Variants in CELSR1 observed in about 807,000 individuals in gnomAD.
CELSR1 encodes the protein cadherin EGF LAG seven-pass G-type receptor 1, also known as adhesion G protein-coupled receptor C1.
CELSR1 carries 110 observed loss-of-function variants against 249.1 expected under a neutral mutation model. The observed-to-expected ratio is 0.44, with a 90% CI of 0.38 to 0.52. The LOEUF (loss-of-function observed/expected upper bound fraction) is 0.52. CELSR1 is among the 20% of genes least tolerant of loss of function. The pLI is 0.00. For missense variants in CELSR1, 4,109 were observed against 4,296.4 expected (o/e 0.96, Z 1.22); for synonymous variants, 2,113 against 1,900.0 (o/e 1.11, Z -2.92).
intron 5 of CELSR1, among the ~76,000 whole-genome samples, chr22:46,431,646 A>G (rs1347935497): frequency 6.6e-6 from 1 of 152,178 alleles, no homozygotes; most frequent in East Asian, 1.9e-4. Context: ...AAGGGTCACC[A>G]GGTCAGAGTA....
intron 1 of CELSR1, among the ~76,000 whole-genome samples, chr22:46,510,408 G>A (rs540351073): frequency 1.7e-4 from 26 of 152,192 alleles, no homozygotes; most frequent in Admixed American, 1.0e-3. Context: ...TAATTAAAGT[G>A]AGCCAGACAC....
chr22:46,365,755 T>C, intron 30 of CELSR1, 66 bp from the exon 31 acceptor site: 2 of 1,264,266 alleles, frequency 1.6e-6, no homozygotes, highest in Admixed American at 4.2e-5. Flanking sequence ...TGGAAAGTTC[T>C]CTGGAAGATT....
At chr22:46,453,811 G>A (rs920375552) in intron 2 of CELSR1, among the ~76,000 whole-genome samples, 1 of 152,182 alleles carries the variant, frequency 6.6e-6, no homozygotes, top group Non-Finnish European at 1.5e-5. Flanking sequence ...CCACCACAGC[G>A]CCGATGGTGG....
chr22:46,463,644 G>A (rs1005466295), intron 2 of CELSR1, 63 bp downstream of exon 2: 1 of 1,436,956 alleles, frequency 7.0e-7, no homozygotes, highest in African/African-American at 1.4e-5. Flanking sequence ...GAAACCACCT[G>A]AGACCCTCGG....
At chr22:46,365,736 A>G (rs1007847281) in intron 30 of CELSR1, 47 bp from the exon 31 acceptor site, 3 of 1,460,596 alleles carry the variant, frequency 2.1e-6, no homozygotes, top group Non-Finnish European at 2.8e-6. Context: ...GTCAGGGAAC[A>G]GGAGGTGCTG....
At position 46,429,211 on chromosome 22, in the gene CELSR1, G is replaced by A. The variant is rs188871318; in HGVS notation, c.4611+4182C>T. Among the ~76,000 whole-genome samples, 74 of 152,290 alleles carry A rather than the reference G, an allele frequency of 4.9e-4. No individual in the cohort carries two copies. The highest frequency in any genetic ancestry group is 3.4e-3 in the Middle Eastern group (1 of 294). ...CCCAAACACCCAGGATGCCGAGGGC[G>A]ATGGAGGAGCAGCAAACACTTAAGC... On this transcript the variant is annotated intron_variant, in intron 5 of 34. Transcript: ENST00000674500. This position sits in a 1 kb window ranked among gnomAD's most constrained non-coding sequence, Gnocchi z 4.1.
Position 46,396,722 on chromosome 22 carries a change from T to A in CELSR1, c.5726A>T (p.Asp1909Val). ...DKGYLGINCVDACHLNPCENM... is the reference protein window; with the variant it reads ...DKGYLGINCVVACHLNPCENM... ...CTCGCAGGGGTTCAGGTGACAGGCA[T>A]CCACACAGTTTATTCCAAGGTACCC... Residue 1909 changes from aspartate (D) to valine (V), a missense_variant, in exon 13 of 35, where the codon GAT becomes GTT. Asp to Val is a radical substitution (Grantham distance 152). Transcript: ENST00000674500. This position sits in a 1 kb window ranked among gnomAD's most constrained non-coding sequence, Gnocchi z 6.4. The A allele has an allele frequency of 6.2e-7, 1 of 1,612,912 alleles. No homozygotes were observed.
At position 46,401,015 on chromosome 22, in the gene CELSR1, T is replaced by C. The variant is rs1217534320; in HGVS notation, c.5227-1113A>G. 2.0e-5 allele frequency among the ~76,000 whole-genome samples: 3 copies of C among 151,816 alleles called. No homozygotes were observed. Among genetic ancestry groups the C allele is most frequent in the African/African-American group, 7.3e-5 (3 of 41,310 alleles). ...CTGTTGCCTTTAACACTGATCAGAA[T>C]TGCTTGTCTTATTCTACGGGAAAAA... On this transcript the variant is annotated intron_variant, in intron 9 of 34. Transcript: ENST00000674500. This position sits in a 1 kb window ranked among gnomAD's most constrained non-coding sequence, Gnocchi z 4.7.
chr22:46,513,379 C>T (rs537210235), intron 1 of CELSR1, among the ~76,000 whole-genome samples: 14 of 152,264 alleles, frequency 9.2e-5, no homozygotes, highest in African/African-American at 3.1e-4. Context: ...CTGAGTTTTA[C>T]AGGACACTTA....
chr22:46,449,342 A>ACATCCATC (rs1569171132), intron 2 of CELSR1, among the ~76,000 whole-genome samples: 3 of 138,942 alleles, frequency 2.2e-5, no homozygotes, highest in Admixed American at 7.2e-5. Flanking sequence ...ACCACATCAC[A>ACATCCATC]CATCCATCCA....
chr22:46,436,094 T>C lies in CELSR1; in HGVS notation c.4522+80A>G. The C allele has an allele frequency of 9.1e-7, 1 of 1,097,886 alleles. No individual in the cohort carries two copies. Among genetic ancestry groups the C allele is most frequent in the Non-Finnish European group, 1.4e-6 (1 of 730,494 alleles). 68.0% of individuals were successfully genotyped at this position (1,097,886 alleles called of 1,614,324 possible). A position where few individuals can be genotyped will look rare whatever the true frequency, so the allele number is the denominator to read the frequency against. Reference sequence around the variant, plus strand: ...GAAAGGGTAAGCAGCTTGGAGGCGCTGCACAGGGCGAGGGTCGTTTTAACC... The same window carrying C: ...GAAAGGGTAAGCAGCTTGGAGGCGCCGCACAGGGCGAGGGTCGTTTTAACC... On this transcript the variant is annotated intron_variant, in intron 4 of 34. Coordinates refer to ENST00000674500, the MANE Select transcript of CELSR1 (RefSeq NM_001378328.1). This position sits in a 1 kb window ranked among gnomAD's most constrained non-coding sequence, Gnocchi z 5.9.
At chr22:46,459,581 C>T (rs2079996566) in intron 2 of CELSR1, among the ~76,000 whole-genome samples, 1 of 152,232 alleles carries the variant, frequency 6.6e-6, no homozygotes, top group African/African-American at 2.4e-5. Flanking sequence ...TCCACAGTGC[C>T]AGCAGGGTCC....
In CELSR1 at chr22:46,399,565, G is replaced by T. The variant is rs1304427257; in HGVS notation, c.5412+152C>A. On this transcript the variant is annotated intron_variant, in intron 10 of 34. Coordinates refer to ENST00000674500, the MANE Select transcript of CELSR1 (RefSeq NM_001378328.1). This position sits in a 1 kb window ranked among gnomAD's most constrained non-coding sequence, Gnocchi z 5.0. Reference sequence around the variant, plus strand: ...GAAGATGCCAGTGACCTCAGTACAGGGCAGAACAGAAGCCCACCTGCGGGG... The same window carrying T: ...GAAGATGCCAGTGACCTCAGTACAGTGCAGAACAGAAGCCCACCTGCGGGG... 9.9e-6 allele frequency: 7 copies of T among 706,356 alleles called. No individual in the cohort carries two copies. Among genetic ancestry groups the T allele is most frequent in the Non-Finnish European group, 1.7e-5 (7 of 419,702 alleles). The allele number at this position is 706,356 out of a possible 1,614,324, so 43.8% of individuals were successfully genotyped here. A position where few individuals can be genotyped will look rare whatever the true frequency, so the allele number is the denominator to read the frequency against.
intron 1 of CELSR1, among the ~76,000 whole-genome samples, chr22:46,515,502 A>G (rs2080617556): frequency 6.6e-6 from 1 of 152,176 alleles, no homozygotes; most frequent in Non-Finnish European, 1.5e-5. Flanking sequence ...CTGTGTCTCC[A>G]TGGTGAAGTC....
In CELSR1 at chr22:46,526,071, G is replaced by A. The variant is rs1397353790; in HGVS notation, c.3544+7556C>T. Among the ~76,000 whole-genome samples, 4 of 152,290 alleles carry A rather than the reference G, an allele frequency of 2.6e-5. No homozygotes were observed. Among genetic ancestry groups the A allele is most frequent in the Middle Eastern group, 3.4e-3 (1 of 294 alleles). On this transcript the variant is annotated intron_variant, in intron 1 of 34. Transcript: ENST00000674500. This position sits in a 1 kb window ranked among gnomAD's most constrained non-coding sequence, Gnocchi z 4.7. ...GGCCAGACATAGACCTCTTGTCCCC[G>A]GGCAGCTGGTGCTGAGGTGGGCGCC...
Position 46,436,422 on chromosome 22 carries a change from C to T in CELSR1, c.4407-133G>A, listed in dbSNP as rs867432372. The stretch of plus-strand genomic sequence containing the variant: ...TCAGGAAAGAATGGTGTCAGGCATG[C>T]GTCCTTCTCATAGGAGCAGACAGCC... On this transcript the variant is annotated intron_variant, in intron 3 of 34. Coordinates refer to ENST00000674500, the MANE Select transcript of CELSR1 (RefSeq NM_001378328.1). The surrounding 1 kb of genome is among the most constrained non-coding windows in gnomAD (Gnocchi z 5.9). 24 of 625,900 alleles carry T rather than the reference C, an allele frequency of 3.8e-5. No individual in the cohort carries two copies. The highest frequency in any genetic ancestry group is 2.0e-4 in the African/African-American group (11 of 54,560). The allele number at this position is 625,900 out of a possible 1,614,324, so 38.8% of individuals were successfully genotyped here.
In CELSR1 at chr22:46,399,893, T is replaced by C. The variant is rs2079193003; in HGVS notation, c.5236A>G (p.Asn1746Asp). The C allele has an allele frequency of 6.2e-7, 1 of 1,613,910 alleles. No individual in the cohort carries two copies. The highest frequency in any genetic ancestry group is 1.1e-5 in the South Asian group (1 of 91,076). Reference sequence around the variant, plus strand: ...TGGGACACCTCAAACTGGAGGTAGTTGTTCAGGATCTGGAGCAGGGAGAGC... The same window carrying C: ...TGGGACACCTCAAACTGGAGGTAGTCGTTCAGGATCTGGAGCAGGGAGAGC... ...PTSFRLQILN[N>D]YLQFEVSHGP... The change falls in exon 10 of 35, where the codon AAC (asparagine) becomes GAC (aspartate). Residue 1746 changes from asparagine (N) to aspartate (D), a missense_variant. By Grantham distance (23) the Asn-to-Asp change is conservative (BLOSUM62 1). Coordinates refer to ENST00000674500, the MANE Select transcript of CELSR1 (RefSeq NM_001378328.1). This position sits in a 1 kb window ranked among gnomAD's most constrained non-coding sequence, Gnocchi z 5.0.
Position 46,454,276 on chromosome 22 carries a change from G to C in CELSR1, c.4183+9431C>G, listed in dbSNP as rs527948961. On this transcript the variant is annotated intron_variant, in intron 2 of 34. Transcript: ENST00000674500. This position sits in a 1 kb window ranked among gnomAD's most constrained non-coding sequence, Gnocchi z 5.1. ...CTGAATGCAGGGCTCCTGCCCTCCA[G>C]AACAGTAAGAATGAATCCGTGCTGC... is the stretch of plus-strand genomic sequence containing the variant. Among the ~76,000 whole-genome samples the C allele has an allele frequency of 3.6e-4, 55 of 152,332 alleles. 1 individual carries two copies. Among genetic ancestry groups the C allele is most frequent in the African/African-American group, 1.3e-3 (53 of 41,576 alleles).
intron 1 of CELSR1, among the ~76,000 whole-genome samples, chr22:46,475,555 A>C (rs1319923568): frequency 6.6e-6 from 1 of 152,046 alleles, no homozygotes; most frequent in African/African-American, 2.4e-5. Context: ...GGTGACGCCC[A>C]TGAAACAATG....
Sources: gnomAD v4.1 joint callset for allele counts (sites outside exome capture counted in the v4.1 genomes callset) on GRCh38, gnomAD v4.1.1 for gene constraint, Gnocchi (gnomAD v3.1) non-coding constraint, MANE v1.5 for transcripts, NCBI Gene and HGNC (gene_info 2026-07-23, HGNC 2026-07-21) for gene names.